The following DIAPH2 variants were observed in gnomAD, a reference collection of about 807,000 sequenced individuals.
DIAPH2 encodes the protein protein diaphanous homolog 2.
Under a neutral mutation model 92.7 loss-of-function variants are expected in DIAPH2, and 35 were observed. The observed-to-expected ratio is 0.38, with a 90% confidence interval of 0.29 to 0.50. DIAPH2 has a LOEUF of 0.50. Ranked by LOEUF, DIAPH2 falls within the 20% of genes least tolerant of loss-of-function variation. The pLI, the probability that DIAPH2 is intolerant of heterozygous loss-of-function variation, is 0.94. For synonymous variants in DIAPH2, 301 were observed against 280.4 expected (o/e 1.07, Z -0.73); for missense variants, 701 against 819.5 (o/e 0.86, Z 1.77).
intron 26 of DIAPH2, among the ~76,000 whole-genome samples, chrX:97,556,756 A>G (rs141892826): frequency 3.0e-4 from 34 of 112,255 alleles, no homozygotes; most frequent in Admixed American, 2.7e-3. Context: ...AGTTCAACCC[A>G]CAACAGGTAC....
chrX:96,860,449 T>C (rs775094944), intron 4 of DIAPH2, among the ~76,000 whole-genome samples: 1 of 111,937 alleles, frequency 8.9e-6, no homozygotes, highest in Admixed American at 9.4e-5. Context: ...ATCTTTTCAA[T>C]TGGAAATCTT....
chrX:97,187,281 C>CTTTTTTTTTTTT lies in DIAPH2; in HGVS notation c.2719+45499_2719+45510dup, dbSNP rs763781923. Among the ~76,000 whole-genome samples the CTTTTTTTTTTTT allele has an allele frequency of 7.0e-3, 258 of 36,880 alleles. 84 individuals carry two copies. The highest frequency in any genetic ancestry group is 0.015 in the East Asian group (12 of 822). The allele number at this position is 36,880 out of a possible 115,157, so 32.0% of individuals were successfully genotyped here. On this transcript the variant is annotated intron_variant, in intron 22 of 26. Transcript: ENST00000324765. ...AGGGATTGAAGACTAATTAAGTAGC[C>CTTTTTTTTTTTT]TTTTTTTTTTTTTTTTTTTTTTTGC...
At chrX:97,273,820 C>T (rs1221872305) in intron 23 of DIAPH2, among the ~76,000 whole-genome samples, 2 of 111,667 alleles carry the variant, frequency 1.8e-5, no homozygotes, top group Non-Finnish European at 3.8e-5. Flanking sequence ...TGTTGTTTGA[C>T]ATTGGTCATT....
chrX:96,908,161 GA>G (rs1007630096), intron 5 of DIAPH2, among the ~76,000 whole-genome samples: 2 of 111,430 alleles, frequency 1.8e-5, no homozygotes, highest in African/African-American at 6.5e-5. Context: ...TTAGGGTGAT[GA>G]AAACGTTTTA....
intron 22 of DIAPH2, among the ~76,000 whole-genome samples, chrX:97,193,301 A>T (rs970271399): frequency 1.8e-5 from 2 of 111,472 alleles, no homozygotes; most frequent in Admixed American, 1.9e-4. Context: ...GGCATAAGCC[A>T]CCGTGCCCAG....
intron 22 of DIAPH2, among the ~76,000 whole-genome samples, chrX:97,221,022 G>A (rs1172714020): frequency 9.0e-6 from 1 of 111,178 alleles, no homozygotes; most frequent in Non-Finnish European, 1.9e-5. Flanking sequence ...GTTAAAAACA[G>A]TTCATTGGAT....
intron 24 of DIAPH2, among the ~76,000 whole-genome samples, chrX:97,363,560 A>G (rs1461624006): frequency 9.5e-6 from 1 of 105,103 alleles, no homozygotes; most frequent in Non-Finnish European, 1.9e-5. Flanking sequence ...CAGCTATTTA[A>G]GAGGTTGAGG....
At chrX:97,156,329 T>A (rs2067322735) in intron 22 of DIAPH2, among the ~76,000 whole-genome samples, 1 of 112,256 alleles carries the variant, frequency 8.9e-6, no homozygotes, top group Non-Finnish European at 1.9e-5. Flanking sequence ...AATTTTTCTC[T>A]ATGATTGTTT....
intron 22 of DIAPH2, among the ~76,000 whole-genome samples, chrX:97,217,245 C>T (rs1412528070): frequency 9.0e-6 from 1 of 111,424 alleles, no homozygotes; most frequent in Non-Finnish European, 1.9e-5. Context: ...GGGACTGTTG[C>T]GTCTCACTTC....
At chrX:96,950,034 C>G (rs944100706) in intron 15 of DIAPH2, among the ~76,000 whole-genome samples, 44 of 110,779 alleles carry the variant, frequency 4.0e-4, no homozygotes, top group African/African-American at 1.3e-3. Flanking sequence ...TACCCTTAGC[C>G]TGTATTACTT....
At chrX:97,192,983 C>T (rs1602406806) in intron 22 of DIAPH2, among the ~76,000 whole-genome samples, 1 of 104,285 alleles carries the variant, frequency 9.6e-6, no homozygotes, top group African/African-American at 3.8e-5. Flanking sequence ...CTAAATAATA[C>T]ATTATTTCTT....
rs183576269 is a variant in DIAPH2, at chrX:97,556,558, C to T, written c.3242-42695C>T. Among the ~76,000 whole-genome samples the T allele has an allele frequency of 2.9e-4, 33 of 111,938 alleles. 1 individual carries two copies. Among genetic ancestry groups the T allele is most frequent in the African/African-American group, 9.7e-4 (30 of 30,797 alleles). On this transcript the variant is annotated intron_variant, in intron 26 of 26. Transcript: ENST00000324765. Reference sequence around the variant, plus strand: ...CTATCTTCTGTTGGTTCCCAACAAACCTTGGCATTCCTTGCATTCCAATTT... The same window carrying T: ...CTATCTTCTGTTGGTTCCCAACAAATCTTGGCATTCCTTGCATTCCAATTT...
intron 1 of DIAPH2, among the ~76,000 whole-genome samples, chrX:96,720,384 A>G (rs1051610881): frequency 1.1e-4 from 12 of 111,546 alleles, no homozygotes; most frequent in African/African-American, 3.9e-4. Context: ...GGTACTAACA[A>G]GAACAATACA....
chrX:96,864,456 T>A lies in DIAPH2; in HGVS notation c.448-17123T>A, dbSNP rs148122647. Reference sequence around the variant, plus strand: ...CTTTAACAGAATATTAACAGAATACTGTTAAAAATGGATAAAAATGGATAA... The same window carrying A: ...CTTTAACAGAATATTAACAGAATACAGTTAAAAATGGATAAAAATGGATAA... On this transcript the variant is annotated intron_variant, in intron 4 of 26. Coordinates refer to ENST00000324765, the MANE Select transcript of DIAPH2 (RefSeq NM_006729.5). 1.9e-3 allele frequency among the ~76,000 whole-genome samples: 212 copies of A among 111,995 alleles called. 2 individuals carry two copies. Among genetic ancestry groups the A allele is most frequent in the Admixed American group, 0.015 (154 of 10,536 alleles).
At chrX:97,450,663 T>A (rs1010952641) in intron 26 of DIAPH2, among the ~76,000 whole-genome samples, 1 of 111,437 alleles carries the variant, frequency 9.0e-6, no homozygotes, top group East Asian at 2.8e-4. Context: ...GACTCTTTTC[T>A]TTCTCTTTTC....
intron 4 of DIAPH2, among the ~76,000 whole-genome samples, chrX:96,796,709 G>A (rs1308046699): frequency 9.0e-6 from 1 of 111,550 alleles, no homozygotes; most frequent in Non-Finnish European, 1.9e-5. Context: ...CCTTGCAATA[G>A]CATCCTTATG....
intron 23 of DIAPH2, among the ~76,000 whole-genome samples, chrX:97,285,457 T>C (rs1397749438): frequency 9.1e-6 from 1 of 109,538 alleles, no homozygotes; most frequent in African/African-American, 3.3e-5. Context: ...TCAAATGCTA[T>C]GTTGCATCTT....
At chrX:96,797,821 T>C in intron 4 of DIAPH2, among the ~76,000 whole-genome samples, 1 of 112,952 alleles carries the variant, frequency 8.9e-6, no homozygotes, top group East Asian at 2.8e-4. Flanking sequence ...CTTTGTAACA[T>C]GTCTGTCTTT....
chrX:97,203,837 C>T (rs773375394), intron 22 of DIAPH2, among the ~76,000 whole-genome samples: 1 of 111,729 alleles, frequency 9.0e-6, no homozygotes, highest in Non-Finnish European at 1.9e-5. Context: ...CAGCACGATC[C>T]TGATACCAAA....
Sources: allele counts gnomAD v4.1 joint callset (sites outside exome capture counted in the v4.1 genomes callset), GRCh38; gene constraint gnomAD v4.1.1; transcripts MANE v1.5; gene names NCBI Gene and HGNC (gene_info 2026-07-23, HGNC 2026-07-21).